The following BANK1 variants were observed in gnomAD, a reference collection of about 807,000 sequenced individuals.
BANK1 encodes the protein B cell scaffold protein with ankyrin repeats 1.
BANK1 carries 95 observed loss-of-function variants against 94.5 expected under a neutral mutation model. That is an observed-to-expected ratio of 1.00 (90% CI 0.85 to 1.19). BANK1 has a LOEUF of 1.19. Ranked by LOEUF, BANK1 falls within the 50% of genes most tolerant of loss-of-function variation. The pLI is 0.00. For synonymous variants in BANK1, 334 were observed against 308.4 expected (o/e 1.08, Z -0.87); for missense variants, 987 against 932.2 (o/e 1.06, Z -0.77).
At chr4:101,837,070 A>G (rs1026044010) in intron 2 of BANK1, among the ~76,000 whole-genome samples, 2 of 152,254 alleles carry the variant, frequency 1.3e-5, no homozygotes, top group African/African-American at 4.8e-5. Context: ...CACCTATGGA[A>G]TAAAGTCAAA....
At chr4:101,888,711 TA>T (rs1377711175) in intron 5 of BANK1, among the ~76,000 whole-genome samples, 2 of 152,222 alleles carry the variant, frequency 1.3e-5, no homozygotes, top group Non-Finnish European at 2.9e-5. Flanking sequence ...CAGGATGTTA[TA>T]AAAGTTAGAG....
At chr4:101,957,214 A>G (rs1185985472) in intron 7 of BANK1, among the ~76,000 whole-genome samples, 1 of 152,200 alleles carries the variant, frequency 6.6e-6, no homozygotes, top group Non-Finnish European at 1.5e-5. Flanking sequence ...TAGGTTAAGT[A>G]GTATGGCTAC....
chr4:101,979,641 T>C (rs1578433576), intron 7 of BANK1, among the ~76,000 whole-genome samples: 1 of 152,014 alleles, frequency 6.6e-6, no homozygotes, highest in African/African-American at 2.4e-5. Flanking sequence ...ATATGTATGA[T>C]TTTGATTCTC....
intron 1 of BANK1, among the ~76,000 whole-genome samples, chr4:101,827,200 T>C (rs1304520937): frequency 6.6e-6 from 1 of 151,920 alleles, no homozygotes; most frequent in African/African-American, 2.4e-5. Flanking sequence ...CAATTGTTGC[T>C]AATGATAGAA....
chr4:101,800,823 T>C (rs1364289860), intron 1 of BANK1, among the ~76,000 whole-genome samples: 2 of 152,222 alleles, frequency 1.3e-5, no homozygotes, highest in African/African-American at 4.8e-5. Flanking sequence ...AATGGTACAA[T>C]CTCAGCTCAC....
chr4:101,792,187 A>G (rs1157820294), intron 1 of BANK1, among the ~76,000 whole-genome samples: 3 of 152,056 alleles, frequency 2.0e-5, no homozygotes, highest in Non-Finnish European at 2.9e-5. Flanking sequence ...TATTGTGAAT[A>G]ATGCAAGAGT....
At chr4:102,053,733 A>C (rs2148960660) in intron 11 of BANK1, among the ~76,000 whole-genome samples, 1 of 152,066 alleles carries the variant, frequency 6.6e-6, no homozygotes, top group South Asian at 2.1e-4. Flanking sequence ...TATTTATAAG[A>C]CATGAATGTA....
chr4:102,036,866 A>C (rs922579879), intron 10 of BANK1: 3 of 152,218 alleles, frequency 2.0e-5, no homozygotes, highest in Non-Finnish European at 4.4e-5. Flanking sequence ...AATGACGATG[A>C]AATTTTCCAG....
intron 9 of BANK1, among the ~76,000 whole-genome samples, chr4:102,028,169 G>A (rs1727166397): frequency 6.6e-6 from 1 of 152,140 alleles, no homozygotes; most frequent in Admixed American, 6.5e-5. Flanking sequence ...AGAGAGTTAA[G>A]AGCTCAGGAA....
At position 102,013,130 on chromosome 4, in the gene BANK1, A is replaced by G. The variant is rs72929959; in HGVS notation, c.1207-8384A>G. On this transcript the variant is annotated intron_variant, in intron 7 of 16. Coordinates refer to ENST00000322953, the MANE Select transcript of BANK1 (RefSeq NM_017935.5). Reference sequence around the variant, plus strand: ...CTCAAAAGCAAAGTTTTTTGCTACTATCTGGTACACCCCGTTGTTATAGGG... The same window carrying G: ...CTCAAAAGCAAAGTTTTTTGCTACTGTCTGGTACACCCCGTTGTTATAGGG... 6.6e-3 allele frequency among the ~76,000 whole-genome samples: 1,011 copies of G among 152,214 alleles called. 12 individuals carry two copies. Among genetic ancestry groups the G allele is most frequent in the African/African-American group, 0.023 (947 of 41,570 alleles).
chr4:101,831,012 TCTC>T (rs1379257401), intron 2 of BANK1, among the ~76,000 whole-genome samples: 2 of 152,192 alleles, frequency 1.3e-5, no homozygotes. Flanking sequence ...TAGTCCCTCT[TCTC>T]TAAGATCATA....
rs187392602 is a variant in BANK1, at chr4:102,026,025, A to T, written c.1594+516A>T. ...GTAGCTGTGGGAGAATTAAGCGTTA[A>T]AGGGTTTGTCGCACACTGCACTGAC... On this transcript the variant is annotated intron_variant, in intron 9 of 16. Coordinates refer to ENST00000322953, the MANE Select transcript of BANK1 (RefSeq NM_017935.5). Among the ~76,000 whole-genome samples the T allele has an allele frequency of 1.1e-3, 161 of 152,334 alleles. 1 individual carries two copies. Among genetic ancestry groups the T allele is most frequent in the South Asian group, 5.4e-3 (26 of 4,830 alleles).
chr4:101,856,525 A>G (rs1727686745), intron 3 of BANK1, among the ~76,000 whole-genome samples: 1 of 152,202 alleles, frequency 6.6e-6, no homozygotes, highest in Non-Finnish European at 1.5e-5. Flanking sequence ...GAAAAAAGAA[A>G]ACCCTCTGAA....
At chr4:102,042,623 A>C (rs566140593) in intron 10 of BANK1, among the ~76,000 whole-genome samples, 6 of 152,146 alleles carry the variant, frequency 3.9e-5, no homozygotes, top group African/African-American at 1.4e-4. Flanking sequence ...GGTTTAAATA[A>C]TATAAAAACC....
intron 7 of BANK1, among the ~76,000 whole-genome samples, chr4:102,002,570 C>T (rs997747063): frequency 2.3e-4 from 34 of 151,084 alleles, no homozygotes; most frequent in Non-Finnish European, 3.2e-4. Flanking sequence ...CACACACACA[C>T]ACACACACAC....
chr4:101,984,548 G>C (rs1441670761), intron 7 of BANK1, among the ~76,000 whole-genome samples: 1 of 152,058 alleles, frequency 6.6e-6, no homozygotes, highest in African/African-American at 2.4e-5. Flanking sequence ...TAGTTTTGAA[G>C]TAAAAGCACT....
chr4:101,799,365 C>G (rs1402912641), intron 1 of BANK1, among the ~76,000 whole-genome samples: 2 of 152,086 alleles, frequency 1.3e-5, no homozygotes, highest in African/African-American at 2.4e-5. Flanking sequence ...GTTACTGTAG[C>G]CTTGTAGTAT....
chr4:101,890,056 G>A (rs1340172917), intron 5 of BANK1, among the ~76,000 whole-genome samples: 3 of 152,066 alleles, frequency 2.0e-5, no homozygotes, highest in African/African-American at 7.2e-5. Context: ...TTCTAAATTT[G>A]TTAATATTTG....
intron 6 of BANK1, among the ~76,000 whole-genome samples, chr4:101,896,050 C>T (rs1722065721): frequency 6.6e-6 from 1 of 151,854 alleles, no homozygotes; most frequent in Non-Finnish European, 1.5e-5. Flanking sequence ...CATCTTGTTT[C>T]ACCTTATTGA....
Sources: allele counts gnomAD v4.1 joint callset (sites outside exome capture counted in the v4.1 genomes callset), GRCh38; gene constraint gnomAD v4.1.1; transcripts MANE v1.5; gene names NCBI Gene and HGNC (gene_info 2026-07-23, HGNC 2026-07-21).